SMYD3: variants seen among roughly 807,000 people sequenced by gnomAD.
The protein encoded by SMYD3 is histone-lysine N-methyltransferase SMYD3.
In SMYD3, 36 loss-of-function variants were observed where a neutral mutation model predicts 57.7. That is an observed-to-expected ratio of 0.62 (90% CI 0.48 to 0.82). SMYD3 has a LOEUF of 0.82. Ranked by LOEUF, SMYD3 falls within the 40% of genes least tolerant of loss-of-function variation. SMYD3 has a pLI of 0.00. For missense variants in SMYD3, 515 were observed against 538.8 expected (o/e 0.96, Z 0.44); for synonymous variants, 211 against 195.0 (o/e 1.08, Z -0.68).
At chr1:246,429,647 A>T (rs1230313722) in intron 1 of SMYD3, among the ~76,000 whole-genome samples, 1 of 152,224 alleles carries the variant, frequency 6.6e-6, no homozygotes, top group African/African-American at 2.4e-5. Context: ...ATATTAACTA[A>T]AAGAGTCGTC....
At chr1:245,833,354 T>C (rs558937048) in intron 10 of SMYD3, among the ~76,000 whole-genome samples, 1 of 152,356 alleles carries the variant, frequency 6.6e-6, no homozygotes, top group South Asian at 2.1e-4. Context: ...ATGCATTCAG[T>C]TGTCATGTTG....
intron 5 of SMYD3, among the ~76,000 whole-genome samples, chr1:246,125,972 T>C (rs1329079455): frequency 1.3e-5 from 2 of 152,140 alleles, no homozygotes; most frequent in Non-Finnish European, 2.9e-5. Flanking sequence ...ATAAGATGTA[T>C]TGGAAGGAAG....
intron 5 of SMYD3, among the ~76,000 whole-genome samples, chr1:246,282,409 G>C (rs1458806342): frequency 1.3e-5 from 2 of 150,398 alleles, no homozygotes; most frequent in East Asian, 3.9e-4. Flanking sequence ...TGAGATGGAA[G>C]GATCGCTTGA....
At chr1:246,294,736 T>A (rs1009625787) in intron 5 of SMYD3, among the ~76,000 whole-genome samples, 1 of 152,114 alleles carries the variant, frequency 6.6e-6, no homozygotes, top group Non-Finnish European at 1.5e-5. Context: ...GTAACTGGAA[T>A]TACAGGCACC....
At chr1:246,335,785 T>C (rs1412023276) in intron 2 of SMYD3, among the ~76,000 whole-genome samples, 1 of 152,178 alleles carries the variant, frequency 6.6e-6, no homozygotes, top group Non-Finnish European at 1.5e-5. Flanking sequence ...TATAAGATGG[T>C]CTTGGAACTG....
At chr1:246,084,852 T>C (rs2060698060) in intron 5 of SMYD3, among the ~76,000 whole-genome samples, 1 of 152,228 alleles carries the variant, frequency 6.6e-6, no homozygotes, top group African/African-American at 2.4e-5. Context: ...AGTCATACCA[T>C]TGAATTATTT....
At chr1:246,033,597 C>T (rs922217076) in intron 5 of SMYD3, among the ~76,000 whole-genome samples, 1 of 152,084 alleles carries the variant, frequency 6.6e-6, no homozygotes, top group Non-Finnish European at 1.5e-5. Context: ...ACCAGCCTGG[C>T]CAACCATGGT....
intron 5 of SMYD3, among the ~76,000 whole-genome samples, chr1:246,115,565 T>G (rs80278997): frequency 0.033 from 4,955 of 152,270 alleles, 286 homozygotes; most frequent in African/African-American, 0.11. Flanking sequence ...ACATCTGGCA[T>G]TCAGTCAAAA....
At chr1:246,131,405 T>A (rs896754993) in intron 5 of SMYD3, among the ~76,000 whole-genome samples, 1 of 152,078 alleles carries the variant, frequency 6.6e-6, no homozygotes, top group Non-Finnish European at 1.5e-5. Flanking sequence ...AAGGGTGAAA[T>A]GTTGAGTCAA....
At chr1:246,460,166 A>G (rs1371192103) in intron 1 of SMYD3, among the ~76,000 whole-genome samples, 1 of 152,258 alleles carries the variant, frequency 6.6e-6, no homozygotes, top group African/African-American at 2.4e-5. Flanking sequence ...TAAGTACCAC[A>G]GTGCTTTACC....
intron 2 of SMYD3, among the ~76,000 whole-genome samples, chr1:246,339,188 C>T (rs1401809439): frequency 6.6e-6 from 1 of 152,162 alleles, no homozygotes; most frequent in African/African-American, 2.4e-5. Context: ...GAAGGCAACA[C>T]CACTTAGAGT....
chr1:245,933,483 T>C (rs2056837200), intron 5 of SMYD3, among the ~76,000 whole-genome samples: 1 of 152,222 alleles, frequency 6.6e-6, no homozygotes, highest in East Asian at 1.9e-4. Flanking sequence ...CCTTCATATA[T>C]AATATTATAG....
chr1:245,930,043 T>C (rs2056619502), intron 5 of SMYD3, 106 bp from the exon 6 acceptor site: 1 of 906,312 alleles, frequency 1.1e-6, no homozygotes, highest in Non-Finnish European at 1.8e-6. Context: ...ATCTTAGTAG[T>C]TGCTTAAGAA....
chr1:246,079,507 TTC>T (rs1462060452), intron 5 of SMYD3, among the ~76,000 whole-genome samples: 2 of 152,230 alleles, frequency 1.3e-5, no homozygotes, highest in Non-Finnish European at 2.9e-5. Flanking sequence ...TTTTTTATTT[TTC>T]TCTAATTGTT....
At chr1:246,374,617 C>A (rs571281021) in intron 1 of SMYD3, among the ~76,000 whole-genome samples, 1 of 152,286 alleles carries the variant, frequency 6.6e-6, no homozygotes, top group African/African-American at 2.4e-5. Context: ...ATAAGCTTCA[C>A]TGAGGCATAA....
chr1:245,973,992 T>TTAATACC, intron 5 of SMYD3, among the ~76,000 whole-genome samples: 1 of 143,102 alleles, frequency 7.0e-6, no homozygotes, highest in East Asian at 1.9e-4. Flanking sequence ...ATCATCATCA[T>TTAATACC]TAATACCTAT....
At chr1:245,920,315 A>G (rs1237252478) in intron 7 of SMYD3, among the ~76,000 whole-genome samples, 74 of 4,830 alleles carry the variant, frequency 0.015, no homozygotes, top group African/African-American at 0.056. Flanking sequence ...TCCGTCTCAA[A>G]AAAAAAAAAA....
chr1:246,047,530 A>G (rs1158253284), intron 5 of SMYD3, among the ~76,000 whole-genome samples: 2 of 152,246 alleles, frequency 1.3e-5, no homozygotes, highest in Non-Finnish European at 2.9e-5. Context: ...TAGACTAAAT[A>G]TCTCAATCTT....
At chr1:245,988,020 G>A (rs536516301) in intron 5 of SMYD3, among the ~76,000 whole-genome samples, 3 of 151,912 alleles carry the variant, frequency 2.0e-5, no homozygotes, top group African/African-American at 2.4e-5. Context: ...GAGAATCACC[G>A]CTCCATACCT....
Sources: allele counts gnomAD v4.1 joint callset (sites outside exome capture counted in the v4.1 genomes callset), GRCh38; gene constraint gnomAD v4.1.1; transcripts MANE v1.5; gene names NCBI Gene and HGNC (gene_info 2026-07-23, HGNC 2026-07-21).